CACNB2: variants seen among roughly 807,000 people sequenced by gnomAD.
CACNB2 encodes the protein calcium voltage-gated channel auxiliary subunit beta 2.
Under a neutral mutation model 73.3 loss-of-function variants are expected in CACNB2, and 42 were observed. The observed-to-expected ratio is 0.57, with a 90% confidence interval of 0.45 to 0.74. CACNB2 has a LOEUF of 0.74. CACNB2 is among the 30% of genes least tolerant of loss of function. The pLI, the probability that CACNB2 is intolerant of heterozygous loss-of-function variation, is 0.00. For synonymous variants in CACNB2, 348 were observed against 310.3 expected (o/e 1.12, Z -1.28); for missense variants, 940 against 853.0 (o/e 1.10, Z -1.27).
chr10:18,194,161 C>A (rs970395602), intron 2 of CACNB2, among the ~76,000 whole-genome samples: 1 of 152,098 alleles, frequency 6.6e-6, no homozygotes, highest in South Asian at 2.1e-4. Flanking sequence ...CCTTTCCTGT[C>A]ATCTGAGTCC....
At chr10:18,511,594 G>A (rs140048237) in intron 6 of CACNB2, among the ~76,000 whole-genome samples, 3 of 152,220 alleles carry the variant, frequency 2.0e-5, no homozygotes, top group African/African-American at 7.2e-5. Flanking sequence ...AATGTACTGT[G>A]GTTTTTGTTA....
intron 6 of CACNB2, among the ~76,000 whole-genome samples, chr10:18,511,009 A>G (rs1028313493): frequency 1.3e-5 from 2 of 152,216 alleles, no homozygotes; most frequent in African/African-American, 2.4e-5. Flanking sequence ...ATGCCATTCA[A>G]TAAGCCCCAT....
intron 1 of CACNB2, among the ~76,000 whole-genome samples, chr10:18,149,910 C>G (rs1014651995): frequency 1.1e-4 from 16 of 152,082 alleles, no homozygotes; most frequent in Non-Finnish European, 1.5e-4. Context: ...ATACTTAATC[C>G]TATGAGGTAT....
chr10:18,261,076 G>A lies in CACNB2; in HGVS notation c.213+110101G>A, dbSNP rs2037515328. Reference sequence around the variant, plus strand: ...CCCCCAAAAAAAGACAAACAGGGGAGAACAAAGTTTTGGCATGCCTGCAGG... The same window carrying A: ...CCCCCAAAAAAAGACAAACAGGGGAAAACAAAGTTTTGGCATGCCTGCAGG... On this transcript the variant is annotated intron_variant, in intron 2 of 13. Coordinates refer to ENST00000324631, the MANE Select transcript of CACNB2 (RefSeq NM_201596.3). 4.2e-6 allele frequency: 6 copies of A among 1,443,194 alleles called. No individual in the cohort carries two copies. The Admixed American group carries it at 9.5e-5, about 23-fold the overall frequency. 89.4% of individuals were successfully genotyped at this position (1,443,194 alleles called of 1,614,324 possible).
chr10:18,170,161 T>C (rs1184797659), intron 2 of CACNB2, among the ~76,000 whole-genome samples: 2 of 152,226 alleles, frequency 1.3e-5, no homozygotes, highest in East Asian at 1.9e-4. Flanking sequence ...AAGTTCACTT[T>C]AGAGGTGGGA....
intron 2 of CACNB2, among the ~76,000 whole-genome samples, chr10:18,168,534 G>A (rs2131136219): frequency 6.8e-6 from 1 of 147,580 alleles, no homozygotes; most frequent in Non-Finnish European, 1.5e-5. Flanking sequence ...TGTGTGTTTT[G>A]TTGCTGTTGT....
intron 3 of CACNB2, among the ~76,000 whole-genome samples, chr10:18,491,685 C>G (rs2049436211): frequency 6.6e-6 from 1 of 152,038 alleles, no homozygotes; most frequent in East Asian, 1.9e-4. Flanking sequence ...TTCCATGTGG[C>G]TCTTTACCAT....
intron 2 of CACNB2, among the ~76,000 whole-genome samples, chr10:18,366,230 C>T (rs558337123): frequency 1.3e-4 from 20 of 152,102 alleles, no homozygotes; most frequent in African/African-American, 4.8e-4. Context: ...CTTTGGGAGG[C>T]CGAGGCGGGC....
rs760538597 is a variant in CACNB2, at chr10:18,150,970, C to G, written c.208C>G (p.Arg70Gly). ...SSDTTSNSFV[R>G]QGSADSYTSR... ...TGATACTACCTCAAATAGTTTTGTT[C>G]GCCAGGTAAGAGTTTTAAGTTCATG... The change falls in exon 2 of 14, where the codon CGC becomes GGC. Residue 70 changes from arginine to glycine, a missense_variant. Arg to Gly is a moderately radical substitution (Grantham distance 125, BLOSUM62 -2). Coordinates refer to ENST00000324631, the MANE Select transcript of CACNB2 (RefSeq NM_201596.3). 2 of 1,562,382 alleles carry G rather than the reference C, an allele frequency of 1.3e-6. No individual in the cohort carries two copies. Among genetic ancestry groups the G allele is most frequent in the Non-Finnish European group, 1.7e-6 (2 of 1,148,098 alleles).
chr10:18,269,257 G>A (rs985120041), intron 2 of CACNB2, among the ~76,000 whole-genome samples: 2 of 152,162 alleles, frequency 1.3e-5, no homozygotes, highest in South Asian at 2.1e-4. Context: ...ATTATCATCC[G>A]TCACTAAAGA....
At chr10:18,361,129 T>C (rs938855456) in intron 2 of CACNB2, among the ~76,000 whole-genome samples, 1 of 152,088 alleles carries the variant, frequency 6.6e-6, no homozygotes, top group Non-Finnish European at 1.5e-5. Context: ...CTTTATTCTT[T>C]TATCTGCTTG....
intron 2 of CACNB2, among the ~76,000 whole-genome samples, chr10:18,391,561 G>GT (rs1564497466): frequency 6.6e-6 from 1 of 151,982 alleles, no homozygotes; most frequent in African/African-American, 2.4e-5. Flanking sequence ...ATCCATCCTC[G>GT]TGGGTGTTAT....
At chr10:18,150,128 T>G (rs1024322074) in intron 1 of CACNB2, among the ~76,000 whole-genome samples, 25 of 152,230 alleles carry the variant, frequency 1.6e-4, no homozygotes, top group African/African-American at 6.0e-4. Flanking sequence ...AAACATAGAT[T>G]GATGTGTAGT....
chr10:18,393,292 T>C (rs973827867), intron 2 of CACNB2, among the ~76,000 whole-genome samples: 2 of 152,176 alleles, frequency 1.3e-5, no homozygotes, highest in African/African-American at 4.8e-5. Flanking sequence ...ATACATAATG[T>C]TCTAATTTTT....
intron 5 of CACNB2, among the ~76,000 whole-genome samples, chr10:18,502,551 T>C (rs1480685389): frequency 3.4e-5 from 5 of 149,020 alleles, no homozygotes; most frequent in Non-Finnish European, 7.4e-5. Context: ...ATTAGCTGGG[T>C]ATGGTGGTGT....
intron 2 of CACNB2, among the ~76,000 whole-genome samples, chr10:18,189,855 C>T (rs1479203162): frequency 6.6e-6 from 1 of 152,128 alleles, no homozygotes; most frequent in East Asian, 1.9e-4. Flanking sequence ...GGATGTTATT[C>T]CTTGAGATCT....
intron 2 of CACNB2, 36 bp from the exon 3 acceptor site, chr10:18,401,888 C>T (rs1427491978): frequency 1.2e-6 from 2 of 1,610,774 alleles, no homozygotes; most frequent in South Asian, 2.2e-5. Flanking sequence ...ACATCATAGA[C>T]TGAATCTACT....
chr10:18,221,101 A>G (rs774055245), intron 2 of CACNB2, among the ~76,000 whole-genome samples: 2 of 152,142 alleles, frequency 1.3e-5, no homozygotes, highest in African/African-American at 4.8e-5. Context: ...GGGAGGAGAG[A>G]AGGGCAGGGG....
intron 2 of CACNB2, among the ~76,000 whole-genome samples, chr10:18,163,581 C>G (rs1033702577): frequency 2.0e-5 from 3 of 152,170 alleles, no homozygotes; most frequent in African/African-American, 7.2e-5. Flanking sequence ...GGCCGCAACA[C>G]TGACATCAAG....
Sources: allele counts gnomAD v4.1 joint callset (sites outside exome capture counted in the v4.1 genomes callset), GRCh38; gene constraint gnomAD v4.1.1; transcripts MANE v1.5; gene names NCBI Gene and HGNC (gene_info 2026-07-23, HGNC 2026-07-21).